Variants in TBC1D14 observed in about 807,000 individuals in gnomAD.
TBC1D14 encodes the protein TBC1 domain family member 14, also known as TBC1 domain family, member 14.
TBC1D14 carries 26 observed loss-of-function variants against 79.0 expected under a neutral mutation model. The ratio of observed to expected loss-of-function variants is 0.33; its 90% confidence interval spans 0.24 to 0.46. The LOEUF is 0.46. TBC1D14 is among the 20% of genes least tolerant of loss of function. The pLI is 1.00. For synonymous variants in TBC1D14, 394 were observed against 349.9 expected (o/e 1.13, Z -1.40); for missense variants, 769 against 887.6 (o/e 0.87, Z 1.70).
At chr4:6,932,137 A>G (rs1266482817) in intron 2 of TBC1D14, among the ~76,000 whole-genome samples, 1 of 152,116 alleles carries the variant, frequency 6.6e-6, no homozygotes. Context: ...AGGTGGGCAG[A>G]TCACCTGAGG....
At chr4:6,951,535 A>G (rs1047464242) in intron 2 of TBC1D14, among the ~76,000 whole-genome samples, 1 of 152,132 alleles carries the variant, frequency 6.6e-6, no homozygotes, top group African/African-American at 2.4e-5. Context: ...GTAATAAAAC[A>G]CTTTCACAAG....
At chr4:7,009,374 G>A (rs1341924976) in intron 9 of TBC1D14, among the ~76,000 whole-genome samples, 1 of 152,178 alleles carries the variant, frequency 6.6e-6, no homozygotes, top group Non-Finnish European at 1.5e-5. Flanking sequence ...AAACAAAATG[G>A]TAGCCACCAG....
chr4:6,941,180 CT>C (rs35201238), intron 2 of TBC1D14, among the ~76,000 whole-genome samples: 5,519 of 87,686 alleles, frequency 0.063, 68 homozygotes, highest in Middle Eastern at 0.11. Flanking sequence ...AGGAAAGCAG[CT>C]TTTTTTTTTT....
chr4:6,995,669 T>C (rs6816882), intron 4 of TBC1D14: 37,498 of 151,342 alleles, frequency 0.25, 5,248 homozygotes, highest in African/African-American at 0.38. Context: ...CGTGCCACCA[T>C]GCCCGGCTAC....
chr4:6,987,287 C>A (rs1471161795), intron 3 of TBC1D14: 1 of 1,348,674 alleles, frequency 7.4e-7, no homozygotes. Context: ...GGAGGGAGGC[C>A]GGCCCTCCGC....
intron 2 of TBC1D14, among the ~76,000 whole-genome samples, chr4:6,964,461 T>C (rs779865958): frequency 3.9e-5 from 6 of 152,218 alleles, no homozygotes; most frequent in Non-Finnish European, 5.9e-5. Context: ...TTCAGCAAAA[T>C]GTATACCCTT....
intron 2 of TBC1D14, among the ~76,000 whole-genome samples, chr4:6,950,524 G>A (rs4428285): frequency 0.75 from 113,384 of 152,076 alleles, 43,261 homozygotes; most frequent in East Asian, 0.97. Flanking sequence ...TCCTCGTTAA[G>A]TGTGATGTTT....
intron 2 of TBC1D14, among the ~76,000 whole-genome samples, chr4:6,963,986 C>G (rs1577092790): frequency 6.6e-6 from 1 of 152,174 alleles, no homozygotes; most frequent in East Asian, 1.9e-4. Flanking sequence ...TTAGTAGAGA[C>G]AGGTTTCGCC....
At chr4:6,992,233 G>C (rs765677117) in intron 3 of TBC1D14, among the ~76,000 whole-genome samples, 1 of 152,226 alleles carries the variant, frequency 6.6e-6, no homozygotes, top group African/African-American at 2.4e-5. Flanking sequence ...GTGGTTGGTG[G>C]ATCTGAATTT....
At chr4:7,006,852 G>A (rs886721188) in intron 9 of TBC1D14, 126 bp downstream of exon 9, 8 of 678,340 alleles carry the variant, frequency 1.2e-5, no homozygotes, top group African/African-American at 1.8e-5. Context: ...AGGTAGGGTG[G>A]ATGTTACTAT....
intron 2 of TBC1D14, among the ~76,000 whole-genome samples, chr4:6,939,231 C>A (rs1286415907): frequency 1.3e-5 from 2 of 152,172 alleles, no homozygotes; most frequent in Non-Finnish European, 2.9e-5. Context: ...CAGCAGTAGT[C>A]CCTGCTGTCC....
chr4:7,026,011 G>A (rs1006394561), intron 13 of TBC1D14, among the ~76,000 whole-genome samples: 2 of 152,144 alleles, frequency 1.3e-5, no homozygotes, highest in African/African-American at 2.4e-5. Flanking sequence ...TTCCTTTTCT[G>A]TACGTGCTAC....
At chr4:6,982,906 G>C (rs949072087) in intron 3 of TBC1D14, among the ~76,000 whole-genome samples, 2 of 152,232 alleles carry the variant, frequency 1.3e-5, no homozygotes, top group Non-Finnish European at 2.9e-5. Flanking sequence ...ATAGCTATTA[G>C]TGGAATTTCT....
At chr4:7,004,221 A>AT in intron 7 of TBC1D14, among the ~76,000 whole-genome samples, 1 of 152,384 alleles carries the variant, frequency 6.6e-6, no homozygotes, top group East Asian at 1.9e-4. Context: ...TGTCACAAAA[A>AT]TAAGTTCTAA....
At chr4:6,929,731 C>A (rs1711553698) in intron 2 of TBC1D14, among the ~76,000 whole-genome samples, 2 of 152,190 alleles carry the variant, frequency 1.3e-5, no homozygotes, top group Non-Finnish European at 2.9e-5. Context: ...AGATGAAAGT[C>A]TGCACAGGAG....
chr4:7,015,315 C>T (rs1025600187), intron 12 of TBC1D14, among the ~76,000 whole-genome samples: 1 of 151,998 alleles, frequency 6.6e-6, no homozygotes, highest in Non-Finnish European at 1.5e-5. Flanking sequence ...AGAGAAGGCC[C>T]CGTGGAAATA....
intron 10 of TBC1D14, 89 bp from the exon 11 acceptor site, chr4:7,010,564 G>C (rs1720651517): frequency 6.7e-7 from 1 of 1,490,522 alleles, no homozygotes; most frequent in Non-Finnish European, 9.1e-7. Flanking sequence ...CTAGTGTGAG[G>C]GTGGTAGGTT....
At chr4:7,014,250 A>G (rs1339598740) in intron 11 of TBC1D14, among the ~76,000 whole-genome samples, 198 bp from the exon 12 acceptor site, 1 of 152,206 alleles carries the variant, frequency 6.6e-6, no homozygotes, top group Non-Finnish European at 1.5e-5. Context: ...AGGTGTAGCT[A>G]TTGATGTCAT....
intron 3 of TBC1D14, among the ~76,000 whole-genome samples, chr4:6,980,195 C>T (rs190326227): frequency 1.2e-3 from 177 of 152,160 alleles, no homozygotes; most frequent in African/African-American, 3.8e-3. Context: ...TAAAATTATA[C>T]AAAATATGTT....
Sources: gnomAD v4.1 joint callset for allele counts (sites outside exome capture counted in the v4.1 genomes callset) on GRCh38, gnomAD v4.1.1 for gene constraint, MANE v1.5 for transcripts, NCBI Gene and HGNC (gene_info 2026-07-23, HGNC 2026-07-21) for gene names.